NR6A1: variants seen among roughly 807,000 people sequenced by gnomAD.
NR6A1 encodes retinoic acid receptor-related testis-associated receptor.
Under a neutral mutation model 59.1 loss-of-function variants are expected in NR6A1, and 7 were observed. The ratio of observed to expected loss-of-function variants is 0.12; its 90% confidence interval spans 0.07 to 0.22. The LOEUF (loss-of-function observed/expected upper bound fraction) is 0.22, where lower values mean the gene tolerates loss of function less well. NR6A1 is among the 10% of genes least tolerant of loss of function. The probability of loss-of-function intolerance (pLI) is 1.00; values close to 1 mark genes in which losing one functional copy is unlikely to be tolerated. For missense variants in NR6A1, 468 were observed against 611.6 expected (o/e 0.77, Z 2.48); for synonymous variants, 243 against 236.1 (o/e 1.03, Z -0.27).
chr9:124,727,433 G>C (rs1361393982), intron 2 of NR6A1, among the ~76,000 whole-genome samples: 2 of 152,094 alleles, frequency 1.3e-5, no homozygotes, highest in Admixed American at 1.3e-4. Flanking sequence ...CAGCACATTT[G>C]GAAGATTTTT....
chr9:124,737,389 G>A (rs941671887), intron 1 of NR6A1, among the ~76,000 whole-genome samples: 1 of 152,154 alleles, frequency 6.6e-6, no homozygotes, highest in Non-Finnish European at 1.5e-5. Flanking sequence ...GCAATGAAAT[G>A]GCCACAGCTA....
At chr9:124,751,661 G>C (rs1840501658) in intron 1 of NR6A1, among the ~76,000 whole-genome samples, 1 of 151,912 alleles carries the variant, frequency 6.6e-6, no homozygotes, top group African/African-American at 2.4e-5. Context: ...CTGGTGCCTG[G>C]GATTAAAAAT....
At chr9:124,742,886 AAT>A (rs1200810879) in intron 1 of NR6A1, among the ~76,000 whole-genome samples, 3 of 152,204 alleles carry the variant, frequency 2.0e-5, no homozygotes, top group Non-Finnish European at 4.4e-5. Flanking sequence ...AAAAATAAAA[AAT>A]AAATTAAAAA....
intron 1 of NR6A1, among the ~76,000 whole-genome samples, chr9:124,746,117 T>C (rs1332529021): frequency 6.6e-6 from 1 of 152,158 alleles, no homozygotes; most frequent in Non-Finnish European, 1.5e-5. Context: ...ACTATCTTAT[T>C]AGAAACACAA....
At position 124,535,916 on chromosome 9, in the gene NR6A1, G is replaced by C; in HGVS notation, c.1041C>G (p.Val347=). Residue 347 remains valine, a synonymous_variant, in exon 7 of 10, where the codon GTC becomes GTG. Coordinates refer to ENST00000487099, the MANE Select transcript of NR6A1 (RefSeq NM_033334.4). ...SKQIFGELAD[V]TAKYSPSDEE... ...CATCGGAGGGCGAGTACTTGGCAGT[G>C]ACATCAGCCAGTTCCCCAAAGATCT... 1 of 1,614,176 alleles carries C rather than the reference G, an allele frequency of 6.2e-7. No homozygotes were observed. Among genetic ancestry groups the C allele is most frequent in the Non-Finnish European group, 8.5e-7 (1 of 1,180,022 alleles).
intron 2 of NR6A1, among the ~76,000 whole-genome samples, chr9:124,643,354 A>G (rs1159478605): frequency 6.6e-6 from 1 of 151,776 alleles, no homozygotes; most frequent in East Asian, 1.9e-4. Context: ...TAATCCCAGC[A>G]CTCTGAGAGG....
At chr9:124,733,665 T>C (rs1839945407) in intron 1 of NR6A1, among the ~76,000 whole-genome samples, 1 of 152,258 alleles carries the variant, frequency 6.6e-6, no homozygotes. Flanking sequence ...TGAGTTATCA[T>C]GGCAATGTCC....
At chr9:124,692,965 C>T (rs143233368) in intron 2 of NR6A1, among the ~76,000 whole-genome samples, 6 of 152,274 alleles carry the variant, frequency 3.9e-5, no homozygotes, top group Admixed American at 6.5e-5. Context: ...AAAAATAGCA[C>T]AAAATTATCC....
chr9:124,612,669 C>G (rs1835783517), intron 2 of NR6A1, among the ~76,000 whole-genome samples: 1 of 152,136 alleles, frequency 6.6e-6, no homozygotes, highest in South Asian at 2.1e-4. Context: ...ATTTGCCTGC[C>G]AAGGAATTAT....
rs1491476853 is a variant in NR6A1, at chr9:124,564,678, ACT to A, written c.143-10110_143-10109del. On this transcript the variant is annotated intron_variant, in intron 2 of 9. Transcript: ENST00000487099. ...CAGTAAGGTCCCATTCAAAATCCAC[ACT>A]CTGTGTGTGTGTGTGTGTGTGTGTG... 2.1e-4 allele frequency among the ~76,000 whole-genome samples: 18 copies of A among 85,852 alleles called. 1 individual carries two copies. Among genetic ancestry groups the A allele is most frequent in the Non-Finnish European group, 4.9e-5 (2 of 41,226 alleles). The allele number at this position is 85,852 out of a possible 152,430, so 56.3% of individuals were successfully genotyped here. A position where few individuals can be genotyped will look rare whatever the true frequency, so the allele number is the denominator to read the frequency against.
intron 2 of NR6A1, among the ~76,000 whole-genome samples, chr9:124,570,098 C>T (rs1300338891): frequency 6.6e-6 from 1 of 152,320 alleles, no homozygotes; most frequent in East Asian, 1.9e-4. Context: ...TAAAATGTTA[C>T]CTATCTCCAT....
intron 2 of NR6A1, among the ~76,000 whole-genome samples, chr9:124,607,990 T>C (rs1398915164): frequency 6.6e-6 from 1 of 152,092 alleles, no homozygotes; most frequent in Non-Finnish European, 1.5e-5. Context: ...GAGGATTGCT[T>C]GAGCCCAGGA....
At chr9:124,524,674 C>A in intron 9 of NR6A1, 47 bp downstream of exon 9, 1 of 1,598,986 alleles carries the variant, frequency 6.3e-7, no homozygotes, top group Admixed American at 1.7e-5. Context: ...CCTTCACAAG[C>A]TAAGAGAAGC....
At chr9:124,630,680 T>C (rs1309464700) in intron 2 of NR6A1, among the ~76,000 whole-genome samples, 1 of 135,804 alleles carries the variant, frequency 7.4e-6, no homozygotes, top group African/African-American at 2.9e-5. Context: ...CTTTTTTTTT[T>C]TTTTTTTTTT....
At chr9:124,633,475 C>G (rs978064847) in intron 2 of NR6A1, among the ~76,000 whole-genome samples, 1 of 148,626 alleles carries the variant, frequency 6.7e-6, no homozygotes, top group Non-Finnish European at 1.5e-5. Flanking sequence ...GTAAAGAGAA[C>G]TAGGACACAG....
intron 2 of NR6A1, among the ~76,000 whole-genome samples, chr9:124,609,464 C>T (rs1446261265): frequency 6.6e-6 from 1 of 152,130 alleles, no homozygotes; most frequent in Non-Finnish European, 1.5e-5. Context: ...TTCCATTGGT[C>T]TATGTGTCTG....
chr9:124,722,174 A>G (rs1839583400), intron 2 of NR6A1, among the ~76,000 whole-genome samples: 1 of 152,238 alleles, frequency 6.6e-6, no homozygotes, highest in Admixed American at 6.5e-5. Context: ...AAAGAACAAT[A>G]AGTGCGTTAA....
chr9:124,569,745 A>G (rs980668792), intron 2 of NR6A1, among the ~76,000 whole-genome samples: 1 of 152,212 alleles, frequency 6.6e-6, no homozygotes, highest in Non-Finnish European at 1.5e-5. Context: ...ATTTGCAAAC[A>G]CAGAATTTAA....
intron 2 of NR6A1, among the ~76,000 whole-genome samples, chr9:124,706,642 A>C (rs1372918107): frequency 2.0e-5 from 3 of 151,864 alleles, no homozygotes; most frequent in African/African-American, 4.8e-5. Context: ...CTCTCCTGAC[A>C]TGAGTAGCTG....
Sources: allele counts gnomAD v4.1 joint callset (sites outside exome capture counted in the v4.1 genomes callset), GRCh38; gene constraint gnomAD v4.1.1; transcripts MANE v1.5; gene names NCBI Gene and HGNC (gene_info 2026-07-23, HGNC 2026-07-21).